NUP155: variants seen among roughly 807,000 people sequenced by gnomAD.
The protein encoded by NUP155 is nuclear pore complex protein Nup155.
Under a neutral mutation model 180.4 loss-of-function variants are expected in NUP155, and 71 were observed. The observed-to-expected ratio is 0.39, with a 90% CI of 0.33 to 0.48. The LOEUF (loss-of-function observed/expected upper bound fraction) is 0.48. Ranked by LOEUF, NUP155 falls within the 20% of genes least tolerant of loss-of-function variation. The probability of loss-of-function intolerance (pLI) is 0.91; values close to 1 mark genes in which losing one functional copy is unlikely to be tolerated. For missense variants in NUP155, 1,553 were observed against 1,648.9 expected (o/e 0.94, Z 1.01); for synonymous variants, 582 against 559.5 (o/e 1.04, Z -0.57).
In NUP155 at chr5:37,314,325, G is replaced by T; in HGVS notation, c.2309C>A (p.Ala770Asp). The T allele has an allele frequency of 1.2e-6, 2 of 1,600,026 alleles. No homozygotes were observed. Among genetic ancestry groups the T allele is most frequent in the Non-Finnish European group, 1.7e-6 (2 of 1,168,780 alleles). The change falls in exon 22 of 35, where the codon GCT (alanine) becomes GAT (aspartate). Residue 770 changes from alanine to aspartate, a missense_variant. Transcript: ENST00000231498. ...QQELQRKFHEAQLSEKISLQA... is the reference protein window; with the variant it reads ...QQELQRKFHEDQLSEKISLQA... ...AAGTGAAATCTTTTCACTTAGTTGA[G>T]CCTCTAATGAGAAAACAAAATAAAT...
intron 25 of NUP155, 89 bp from the exon 26 acceptor site, chr5:37,305,299 C>G: frequency 2.5e-6 from 3 of 1,178,590 alleles, no homozygotes; most frequent in Non-Finnish European, 3.8e-6. Flanking sequence ...TAATGCCAGC[C>G]ATAGGGAAGT....
chr5:37,307,944 A>C (rs1743267037), intron 24 of NUP155, among the ~76,000 whole-genome samples: 1 of 4,438 alleles, frequency 2.3e-4, no homozygotes, highest in South Asian at 0.012. Flanking sequence ...AGAAAAAGGA[A>C]AAAAAAAAAT....
At chr5:37,353,939 A>G (rs887910478) in intron 4 of NUP155, among the ~76,000 whole-genome samples, 1 of 152,188 alleles carries the variant, frequency 6.6e-6, no homozygotes, top group African/African-American at 2.4e-5. Flanking sequence ...AAGATGGCAA[A>G]GTTTGTATTA....
chr5:37,363,953 G>A lies in NUP155; in HGVS notation c.327C>T (p.Phe109=), dbSNP rs780631313. Residue 109 remains phenylalanine (F), a synonymous_variant, in exon 3 of 35, where the codon TTC becomes TTT. Coordinates refer to ENST00000231498, the MANE Select transcript of NUP155 (RefSeq NM_153485.3). ...HMQCNCMMGV[F]PPISRAWLTI... The stretch of plus-strand genomic sequence containing the variant: ...TGAGCCAAGCTCTGCTGATAGGAGG[G>A]AACACACCCATCATGCAATTACACT... 1.4e-5 allele frequency: 23 copies of A among 1,613,490 alleles called. No homozygotes were observed. The Admixed American group carries it at 3.8e-4, about 27-fold the overall frequency.
chr5:37,292,133 A>C (rs368349583), intron 34 of NUP155, 95 bp from the exon 35 acceptor site: 5 of 1,192,888 alleles, frequency 4.2e-6, no homozygotes, highest in Non-Finnish European at 6.2e-6. Context: ...TTTAATTCTC[A>C]CAGGAGAGGA....
intron 6 of NUP155, 118 bp downstream of exon 6, chr5:37,351,072 T>C: frequency 1.2e-6 from 1 of 859,622 alleles, no homozygotes; most frequent in Non-Finnish European, 1.8e-6. Context: ...ACTGTATGCT[T>C]GAATATTTAC....
intron 19 of NUP155, 27 bp downstream of exon 19, chr5:37,325,874 T>C: frequency 6.8e-7 from 1 of 1,472,248 alleles, no homozygotes; most frequent in African/African-American, 1.4e-5. Flanking sequence ...TACACAAAAA[T>C]AACAAAATAA....
At chr5:37,297,245 T>C (rs1742636130) in intron 32 of NUP155, among the ~76,000 whole-genome samples, 1 of 152,154 alleles carries the variant, frequency 6.6e-6, no homozygotes, top group Admixed American at 6.5e-5. Flanking sequence ...CTCAAACTCC[T>C]GGCTTCAAGC....
In NUP155 at chr5:37,369,082, T is replaced by C. The variant is rs541155784; in HGVS notation, c.157+1739A>G. Among the ~76,000 whole-genome samples, 39 of 152,026 alleles carry C rather than the reference T, an allele frequency of 2.6e-4. 1 individual carries two copies. Among genetic ancestry groups the C allele is most frequent in the African/African-American group, 9.2e-4 (38 of 41,408 alleles). On this transcript the variant is annotated intron_variant, in intron 1 of 34. Transcript: ENST00000231498. Reference sequence around the variant, plus strand: ...AGCCTTGTAACAGAGTGAGACTACGTCTCTACATAAAAATTAAAAATTAGC... The same window carrying C: ...AGCCTTGTAACAGAGTGAGACTACGCCTCTACATAAAAATTAAAAATTAGC...
At chr5:37,295,062 C>T (rs1474848260) in intron 32 of NUP155, among the ~76,000 whole-genome samples, 1 of 152,130 alleles carries the variant, frequency 6.6e-6, no homozygotes, top group Non-Finnish European at 1.5e-5. Context: ...CTCTCCCTGT[C>T]CCTCTCCCCT....
At chr5:37,305,924 A>G (rs546768154) in intron 25 of NUP155, among the ~76,000 whole-genome samples, 1 of 152,092 alleles carries the variant, frequency 6.6e-6, no homozygotes, top group East Asian at 1.9e-4. Flanking sequence ...ATAACAAAAA[A>G]GAAAGCCATT....
rs1284411466 is a variant in NUP155, at chr5:37,295,499, T to C, written c.3794-1034A>G. Among the ~76,000 whole-genome samples the C allele has an allele frequency of 1.7e-4, 26 of 148,734 alleles. No individual in the cohort carries two copies. The South Asian group carries it at 5.4e-3, about 31-fold the overall frequency. On this transcript the variant is annotated intron_variant, in intron 32 of 34. Coordinates refer to ENST00000231498, the MANE Select transcript of NUP155 (RefSeq NM_153485.3). ...CTGGGAAGTGAGGAGCGTCTCTGCC[T>C]GGCCGCCCATCGTCTGGGATGTGAG...
chr5:37,352,887 A>T, intron 4 of NUP155, 58 bp from the exon 5 acceptor site: 1 of 1,177,562 alleles, frequency 8.5e-7, no homozygotes, highest in East Asian at 2.3e-5. Context: ...CTAACAGAGT[A>T]AGCTTTTATT....
rs1744860012 is a variant in NUP155, at chr5:37,330,099, C to A, written c.1663G>T (p.Ala555Ser). 1 of 1,613,472 alleles carries A rather than the reference C, an allele frequency of 6.2e-7. No homozygotes were observed. Among genetic ancestry groups the A allele is most frequent in the Non-Finnish European group, 8.5e-7 (1 of 1,179,754 alleles). ...CTATCACAGGCAGCAGTGGAGCAAGCAAGAATAAGGCAAGTTGCACAAGCC... is the reference window on the plus strand; with the variant it reads ...CTATCACAGGCAGCAGTGGAGCAAGAAAGAATAAGGCAAGTTGCACAAGCC... Reference protein sequence around the residue: ...DQACATCLILACSTAACDREV... With the variant: ...DQACATCLILSCSTAACDREV... Residue 555 changes from alanine (A) to serine (S), a missense_variant, in exon 15 of 35, where the codon GCT (alanine) becomes TCT (serine). Ala to Ser is a moderately conservative substitution (Grantham distance 99, BLOSUM62 1). Coordinates refer to ENST00000231498, the MANE Select transcript of NUP155 (RefSeq NM_153485.3).
chr5:37,342,039 C>CT (rs1448431863), intron 10 of NUP155, among the ~76,000 whole-genome samples: 1 of 152,060 alleles, frequency 6.6e-6, no homozygotes. Flanking sequence ...TTTTGTTTTG[C>CT]TTTTTTACTG....
At chr5:37,316,031 C>A (rs182606213) in intron 21 of NUP155, among the ~76,000 whole-genome samples, 1 of 152,224 alleles carries the variant, frequency 6.6e-6, no homozygotes, top group East Asian at 1.9e-4. Context: ...AATAGAATTA[C>A]CATATGATAT....
chr5:37,291,665 T>C lies in NUP155; in HGVS notation c.*235A>G, dbSNP rs878865727. The C allele has an allele frequency of 8.7e-5, 34 of 389,076 alleles. No homozygotes were observed. The South Asian group carries it at 1.1e-3, about 13-fold the overall frequency. The allele number at this position is 389,076 out of a possible 1,614,324, so 24.1% of individuals were successfully genotyped here. On this transcript the variant is annotated 3_prime_UTR_variant, in exon 35 of 35. Coordinates refer to ENST00000231498, the MANE Select transcript of NUP155 (RefSeq NM_153485.3). ...TTCTAAATTTTTTTAATCCTTATGT[T>C]AAAATAATAAATAATCTCATTTCAG...
intron 29 of NUP155, among the ~76,000 whole-genome samples, chr5:37,301,969 G>A (rs1269612688): frequency 6.6e-6 from 1 of 152,186 alleles, no homozygotes; most frequent in Non-Finnish European, 1.5e-5. Context: ...GAGGCCCTAG[G>A]GAATGGTAGT....
intron 1 of NUP155, among the ~76,000 whole-genome samples, chr5:37,367,972 C>T (rs1393477364): frequency 1.3e-5 from 2 of 152,092 alleles, no homozygotes; most frequent in African/African-American, 2.4e-5. Context: ...TTAGTAGAGA[C>T]GGGGTTTTAC....
Sources: gnomAD v4.1 joint callset for allele counts (sites outside exome capture counted in the v4.1 genomes callset) on GRCh38, gnomAD v4.1.1 for gene constraint, MANE v1.5 for transcripts, NCBI Gene and HGNC (gene_info 2026-07-23, HGNC 2026-07-21) for gene names.